Variants in CCDC71L observed in about 807,000 individuals in gnomAD.
The protein encoded by CCDC71L is coiled-coil domain containing 71 like.
CCDC71L carries 6 observed loss-of-function variants against 10.2 expected under a neutral mutation model. The observed-to-expected ratio is 0.59, with a 90% confidence interval of 0.32 to 1.16. The LOEUF (loss-of-function observed/expected upper bound fraction) is 1.16, where lower values mean the gene tolerates loss of function less well. CCDC71L is among the 50% of genes most tolerant of loss of function. CCDC71L has a pLI of 0.05. For synonymous variants in CCDC71L, 204 were observed against 175.5 expected (o/e 1.16, Z -1.28); for missense variants, 366 against 383.4 (o/e 0.95, Z 0.38).
At position 106,656,201 on chromosome 7, in the gene CCDC71L, C is replaced by T. The variant is rs143450261; in HGVS notation, c.*3988G>A. ...AGGCACTGTGACTCCACAACTATTA[C>T]ACTACGCTTCCTCCAACTAATAGGA... On this transcript the variant is annotated 3_prime_UTR_variant, in exon 1 of 1. Coordinates refer to ENST00000523505, the MANE Select transcript of CCDC71L (RefSeq NM_175884.6). Among the ~76,000 whole-genome samples the T allele has an allele frequency of 3.9e-4, 60 of 152,332 alleles. No individual in the cohort carries two copies. Among genetic ancestry groups the T allele is most frequent in the African/African-American group, 1.3e-3 (54 of 41,578 alleles).
In CCDC71L at chr7:106,660,966, G is replaced by T; in HGVS notation, c.-70C>A. 1 of 1,297,278 alleles carries T rather than the reference G, an allele frequency of 7.7e-7. No homozygotes were observed. Among genetic ancestry groups the T allele is most frequent in the Non-Finnish European group, 9.8e-7 (1 of 1,024,780 alleles). 80.4% of individuals were successfully genotyped at this position (1,297,278 alleles called of 1,614,324 possible). A position where few individuals can be genotyped will look rare whatever the true frequency, so the allele number is the denominator to read the frequency against. On this transcript the variant is annotated 5_prime_UTR_variant, in exon 1 of 1. Transcript: ENST00000523505. This position sits in a 1 kb window ranked among gnomAD's most constrained non-coding sequence, Gnocchi z 7.5. ...GCCGCCGCCGTCCCAGTCCGCGTTG[G>T]CTCCGCGGCGGCGGCTGCTGCTGGC...
rs1792563769 is a variant in CCDC71L, at chr7:106,660,183, C to T, written c.*6G>A. ...GGCCGGCAGGAGGCGCCCTGGAGGC[C>T]GCACCTCATGCCCGGGGCACCGGGA... On this transcript the variant is annotated 3_prime_UTR_variant, in exon 1 of 1. Coordinates refer to ENST00000523505, the MANE Select transcript of CCDC71L (RefSeq NM_175884.6). The surrounding 1 kb of genome is among the most constrained non-coding windows in gnomAD (Gnocchi z 7.5). The T allele has an allele frequency of 1.3e-6, 2 of 1,543,858 alleles. No individual in the cohort carries two copies. Among genetic ancestry groups the T allele is most frequent in the East Asian group, 2.6e-5 (1 of 39,158 alleles).
rs182220436 is a variant in CCDC71L at position 106,655,133 on chromosome 7, T to C, written c.*5056A>G. 7.0e-4 allele frequency among the ~76,000 whole-genome samples: 106 copies of C among 152,292 alleles called. 1 individual carries two copies. Among genetic ancestry groups the C allele is most frequent in the African/African-American group, 2.0e-3 (83 of 41,582 alleles). ...TTATGTTATAGATCATGGTTTAGAA[T>C]GACATTTACCAAGACACAAGAGAGT... On this transcript the variant is annotated 3_prime_UTR_variant, in exon 1 of 1. Coordinates refer to ENST00000523505, the MANE Select transcript of CCDC71L (RefSeq NM_175884.6).
In CCDC71L at chr7:106,661,052, G is replaced by A. The variant is rs1357473605; in HGVS notation, c.-156C>T. The A allele has an allele frequency of 2.7e-6, 3 of 1,117,084 alleles. No individual in the cohort carries two copies. Among genetic ancestry groups the A allele is most frequent in the African/African-American group, 1.6e-5 (1 of 60,754 alleles). 69.2% of individuals were successfully genotyped at this position (1,117,084 alleles called of 1,614,324 possible). On this transcript the variant is annotated 5_prime_UTR_variant, in exon 1 of 1. Transcript: ENST00000523505. Reference sequence around the variant, plus strand: ...CTCCCCCTCCGAGGGCGGAGGACGCGGGCGAATATCCTGCTGCCCGGTACA... The same window carrying A: ...CTCCCCCTCCGAGGGCGGAGGACGCAGGCGAATATCCTGCTGCCCGGTACA...
rs550371614 is a variant in CCDC71L at position 106,658,849 on chromosome 7, A to G, written c.*1340T>C. On this transcript the variant is annotated 3_prime_UTR_variant, in exon 1 of 1. Transcript: ENST00000523505. ...TTGATTCCTGTGGTCTTCAGCTGTC[A>G]AAGACCTAGAACTGCAAACATATAA... The G allele has an allele frequency of 6.5e-6, 1 of 152,728 alleles. No individual in the cohort carries two copies. The highest frequency in any genetic ancestry group is 1.9e-4 in the East Asian group (1 of 5,186). The allele number at this position is 152,728 out of a possible 1,614,324, so 9.5% of individuals were successfully genotyped here. A position where few individuals can be genotyped will look rare whatever the true frequency, so the allele number is the denominator to read the frequency against.
rs1332185967 is a variant in CCDC71L, at chr7:106,657,869, G to A, written c.*2320C>T. On this transcript the variant is annotated 3_prime_UTR_variant, in exon 1 of 1. Coordinates refer to ENST00000523505, the MANE Select transcript of CCDC71L (RefSeq NM_175884.6). ...AGTATGCTAAAGTAACAAGGCATAG[G>A]AGAGAAAAATGTCAAGAATCTCAGT... 2 of 152,134 alleles carry A rather than the reference G, an allele frequency of 1.3e-5. No homozygotes were observed. The highest frequency in any genetic ancestry group is 6.6e-5 in the Admixed American group (1 of 15,266). The allele number at this position is 152,134 out of a possible 1,614,324, so 9.4% of individuals were successfully genotyped here.
rs1280121062 is a variant in CCDC71L, at chr7:106,659,323, C to A, written c.*866G>T. The A allele has an allele frequency of 6.6e-6, 1 of 151,866 alleles. No homozygotes were observed. The highest frequency in any genetic ancestry group is 6.6e-5 in the Admixed American group (1 of 15,258). 9.4% of individuals were successfully genotyped at this position (151,866 alleles called of 1,614,324 possible). A position where few individuals can be genotyped will look rare whatever the true frequency, so the allele number is the denominator to read the frequency against. ...GTGACTCCTGTAACCAAAACCAGTT[C>A]TTCACAATTTATTCATTTTTTTTAA... On this transcript the variant is annotated 3_prime_UTR_variant, in exon 1 of 1. Coordinates refer to ENST00000523505, the MANE Select transcript of CCDC71L (RefSeq NM_175884.6).
chr7:106,660,606 G>A lies in CCDC71L; in HGVS notation c.291C>T (p.Asp97=), dbSNP rs371368473. 76 of 1,583,566 alleles carry A rather than the reference G, an allele frequency of 4.8e-5. No individual in the cohort carries two copies. The African/African-American group carries it at 9.5e-4, about 20-fold the overall frequency. ...CCCGGCAGGAGGAGTAGCCGTAGAC[G>A]TCCTTGCTGCGCAGGATGTGCGGGG... The part of the protein sequence containing the change: ...QFSPHILRSK[D]VYGYSSCRAL... Residue 97 remains aspartate, a synonymous_variant, in exon 1 of 1, where the codon GAC becomes GAT. Coordinates refer to ENST00000523505, the MANE Select transcript of CCDC71L (RefSeq NM_175884.6). The surrounding 1 kb of genome is among the most constrained non-coding windows in gnomAD (Gnocchi z 7.5).
In CCDC71L at chr7:106,659,458, T is replaced by A. The variant is rs956136472; in HGVS notation, c.*731A>T. 2 of 152,746 alleles carry A rather than the reference T, an allele frequency of 1.3e-5. No individual in the cohort carries two copies. Among genetic ancestry groups the A allele is most frequent in the South Asian group, 4.1e-4 (2 of 4,824 alleles). The allele number at this position is 152,746 out of a possible 1,614,324, so 9.5% of individuals were successfully genotyped here. A position where few individuals can be genotyped will look rare whatever the true frequency, so the allele number is the denominator to read the frequency against. On this transcript the variant is annotated 3_prime_UTR_variant, in exon 1 of 1. Coordinates refer to ENST00000523505, the MANE Select transcript of CCDC71L (RefSeq NM_175884.6). ...TGTGTATTCTACCATTTTTAGGAGC[T>A]CAGTAAATATAAACATTGTTTCAAT...
Position 106,660,897 on chromosome 7 carries a change from C to G in CCDC71L, c.-1G>C. 2.2e-6 allele frequency: 3 copies of G among 1,392,494 alleles called. No homozygotes were observed. The highest frequency in any genetic ancestry group is 2.8e-6 in the Non-Finnish European group (3 of 1,079,094). The allele number at this position is 1,392,494 out of a possible 1,614,324, so 86.3% of individuals were successfully genotyped here. A position where few individuals can be genotyped will look rare whatever the true frequency, so the allele number is the denominator to read the frequency against. On this transcript the variant is annotated 5_prime_UTR_variant, in exon 1 of 1. Transcript: ENST00000523505. The surrounding 1 kb of genome is among the most constrained non-coding windows in gnomAD (Gnocchi z 7.5). ...GCCGCCTCTTCATACTGCGCCGCAT[C>G]GAAGGCCGCTCCGGGCCACTCACGC...
In CCDC71L at chr7:106,654,945, A is replaced by G. The variant is rs1264062903; in HGVS notation, c.*5244T>C. Reference sequence around the variant, plus strand: ...ATGTACACATTTTACAGTTAATTGTACTACTTGGAAGAATCTCAATTTAAC... The same window carrying G: ...ATGTACACATTTTACAGTTAATTGTGCTACTTGGAAGAATCTCAATTTAAC... On this transcript the variant is annotated 3_prime_UTR_variant, in exon 1 of 1. Coordinates refer to ENST00000523505, the MANE Select transcript of CCDC71L (RefSeq NM_175884.6). 1.3e-5 allele frequency among the ~76,000 whole-genome samples: 2 copies of G among 152,128 alleles called. No individual in the cohort carries two copies. The highest frequency in any genetic ancestry group is 2.4e-5 in the African/African-American group (1 of 41,434).
In CCDC71L at chr7:106,656,015, T is replaced by C. The variant is rs991954898; in HGVS notation, c.*4174A>G. ...GTACTTCCTATGTGTCTAGCATTACTACCCTTTGAAAGGGGTAGTTATTAA... is the reference window on the plus strand; with the variant it reads ...GTACTTCCTATGTGTCTAGCATTACCACCCTTTGAAAGGGGTAGTTATTAA... On this transcript the variant is annotated 3_prime_UTR_variant, in exon 1 of 1. Coordinates refer to ENST00000523505, the MANE Select transcript of CCDC71L (RefSeq NM_175884.6). 6.6e-6 allele frequency among the ~76,000 whole-genome samples: 1 copy of C among 152,212 alleles called. No homozygotes were observed. Among genetic ancestry groups the C allele is most frequent in the African/African-American group, 2.4e-5 (1 of 41,462 alleles).
rs1792488804 is a variant in CCDC71L at position 106,656,299 on chromosome 7, AT to A, written c.*3889del. Among the ~76,000 whole-genome samples, 1 of 152,144 alleles carries A rather than the reference AT, an allele frequency of 6.6e-6. No homozygotes were observed. The highest frequency in any genetic ancestry group is 1.5e-5 in the Non-Finnish European group (1 of 68,012). On this transcript the variant is annotated 3_prime_UTR_variant, in exon 1 of 1. Coordinates refer to ENST00000523505, the MANE Select transcript of CCDC71L (RefSeq NM_175884.6). ...CCGGCTCTTGCTGTGCTGTTCACTA[AT>A]ACTCCACTTCTGCCTTCTAGACTCT... is the stretch of plus-strand genomic sequence containing the variant.
chr7:106,660,000 G>C lies in CCDC71L; in HGVS notation c.*189C>G. 1.3e-6 allele frequency: 1 copy of C among 780,250 alleles called. No homozygotes were observed. The highest frequency in any genetic ancestry group is 1.9e-6 in the Non-Finnish European group (1 of 533,168). The allele number at this position is 780,250 out of a possible 1,614,324, so 48.3% of individuals were successfully genotyped here. On this transcript the variant is annotated 3_prime_UTR_variant, in exon 1 of 1. Transcript: ENST00000523505. ...GGCAGCAGAGGGCACACCTGCCCCAGCGTCCAAGACGACCGCGCCGCGGCC... is the reference window on the plus strand; with the variant it reads ...GGCAGCAGAGGGCACACCTGCCCCACCGTCCAAGACGACCGCGCCGCGGCC...
Position 106,658,429 on chromosome 7 carries a change from G to A in CCDC71L, c.*1760C>T, listed in dbSNP as rs899891545. On this transcript the variant is annotated 3_prime_UTR_variant, in exon 1 of 1. Coordinates refer to ENST00000523505, the MANE Select transcript of CCDC71L (RefSeq NM_175884.6). ...AATTGAAGTCACAACACTCCTATAC[G>A]GACTACTAAACTTGAAATACTCATT... The A allele has an allele frequency of 8.6e-5, 13 of 151,876 alleles. No individual in the cohort carries two copies. The highest frequency in any genetic ancestry group is 3.1e-4 in the African/African-American group (13 of 41,296). 9.4% of individuals were successfully genotyped at this position (151,876 alleles called of 1,614,324 possible).
At position 106,660,780 on chromosome 7, in the gene CCDC71L, C is replaced by A; in HGVS notation, c.117G>T (p.Lys39Asn). The change falls in exon 1 of 1, where the codon AAG becomes AAT. Residue 39 changes from lysine to asparagine, a missense_variant. Lys to Asn is a moderately conservative substitution (Grantham distance 94). Transcript: ENST00000523505. The surrounding 1 kb of genome is among the most constrained non-coding windows in gnomAD (Gnocchi z 7.5). ...ACAGTTGCGACCGCGAGTACACCAC[C>A]TTCTCCTCCCGCGCCTCCAACCCAG... ...DGAGLEAREEKVVYSRSQLSL... is the reference protein window; with the variant it reads ...DGAGLEAREENVVYSRSQLSL... 6.5e-7 allele frequency: 1 copy of A among 1,549,058 alleles called. No individual in the cohort carries two copies. The highest frequency in any genetic ancestry group is 8.7e-7 in the Non-Finnish European group (1 of 1,146,266).
At position 106,660,372 on chromosome 7, in the gene CCDC71L, G is replaced by A. The variant is rs896638437; in HGVS notation, c.525C>T (p.Arg175=). The A allele has an allele frequency of 1.3e-5, 18 of 1,372,688 alleles. No individual in the cohort carries two copies. Among genetic ancestry groups the A allele is most frequent in the African/African-American group, 3.1e-5 (2 of 65,510 alleles). 85.0% of individuals were successfully genotyped at this position (1,372,688 alleles called of 1,614,324 possible). A position where few individuals can be genotyped will look rare whatever the true frequency, so the allele number is the denominator to read the frequency against. Residue 175 remains arginine, a synonymous_variant, in exon 1 of 1, where the codon CGC becomes CGT. Transcript: ENST00000523505. The surrounding 1 kb of genome is among the most constrained non-coding windows in gnomAD (Gnocchi z 7.5). ...PVAPGPCFGG[R]TLEEIWRAAT... ...CCGCCCTCCAGATCTCCTCCAAGGT[G>A]CGGCCCCCGAAGCAGGGCCCGGGGG...
Position 106,660,835 on chromosome 7 carries a change from C to T in CCDC71L, c.62G>A (p.Arg21Gln), listed in dbSNP as rs1380452962. The change falls in exon 1 of 1, where the codon CGG becomes CAG. Residue 21 changes from arginine to glutamine, a missense_variant. Coordinates refer to ENST00000523505, the MANE Select transcript of CCDC71L (RefSeq NM_175884.6). This position sits in a 1 kb window ranked among gnomAD's most constrained non-coding sequence, Gnocchi z 7.5. The stretch of plus-strand genomic sequence containing the variant: ...GTCTTCTGCCCTAAAGTCGCCGCCC[C>T]GGGCGGCCGTGGCCGGGGCGACCGG... ...RRPVAPATAA[R>Q]GGDFRAEDGA... 88 of 1,524,502 alleles carry T rather than the reference C, an allele frequency of 5.8e-5. No individual in the cohort carries two copies. Among genetic ancestry groups the T allele is most frequent in the Non-Finnish European group, 7.2e-5 (82 of 1,136,852 alleles). 94.4% of individuals were successfully genotyped at this position (1,524,502 alleles called of 1,614,324 possible).
At position 106,661,022 on chromosome 7, in the gene CCDC71L, C is replaced by T. The variant is rs1792590885; in HGVS notation, c.-126G>A. On this transcript the variant is annotated 5_prime_UTR_variant, in exon 1 of 1. Transcript: ENST00000523505. The stretch of plus-strand genomic sequence containing the variant: ...TCGCTACTTTTCTCGCCTCCGCCGC[C>T]GCCCCTCCCCCTCCGAGGGCGGAGG... The T allele has an allele frequency of 2.4e-6, 3 of 1,255,942 alleles. No individual in the cohort carries two copies. Among genetic ancestry groups the T allele is most frequent in the Non-Finnish European group, 3.0e-6 (3 of 989,102 alleles). 77.8% of individuals were successfully genotyped at this position (1,255,942 alleles called of 1,614,324 possible).
Sources: allele counts gnomAD v4.1 joint callset (sites outside exome capture counted in the v4.1 genomes callset), GRCh38; gene constraint gnomAD v4.1.1; non-coding constraint Gnocchi (gnomAD v3.1); transcripts MANE v1.5; gene names NCBI Gene and HGNC (gene_info 2026-07-23, HGNC 2026-07-21).